GLI2: variants seen among roughly 807,000 people sequenced by gnomAD.
GLI2 encodes transcription activator GLI2.
In GLI2, 22 loss-of-function variants were observed where a neutral mutation model predicts 78.9. The observed-to-expected ratio is 0.28, with a 90% CI of 0.20 to 0.40. The LOEUF is 0.40. Ranked by LOEUF, GLI2 falls within the 10% of genes least tolerant of loss-of-function variation. The pLI is 1.00. For synonymous variants in GLI2, 974 were observed against 963.7 expected (o/e 1.01, Z -0.20); for missense variants, 2,097 against 2,213.2 (o/e 0.95, Z 1.05).
intron 2 of GLI2, among the ~76,000 whole-genome samples, chr2:120,905,788 A>G (rs1678495413): frequency 6.6e-6 from 1 of 152,110 alleles, no homozygotes; most frequent in Non-Finnish European, 1.5e-5. Context: ...ATAGTGCCCA[A>G]CACACCTTAG....
intron 2 of GLI2, among the ~76,000 whole-genome samples, chr2:120,862,855 T>C (rs1687966731): frequency 6.6e-6 from 1 of 152,212 alleles, no homozygotes; most frequent in South Asian, 2.1e-4. Context: ...CTAATAGGGC[T>C]GGTGGCAAAT....
In GLI2 at chr2:120,992,206, A is replaced by G. The variant is rs1683319361; in HGVS notation, c.*1531A>G. 1.3e-5 allele frequency: 2 copies of G among 152,678 alleles called. No individual in the cohort carries two copies. Among genetic ancestry groups the G allele is most frequent in the South Asian group, 4.1e-4 (2 of 4,822 alleles). 9.5% of individuals were successfully genotyped at this position (152,678 alleles called of 1,614,324 possible). On this transcript the variant is annotated 3_prime_UTR_variant, in exon 14 of 14. Coordinates refer to ENST00000361492, the MANE Select transcript of GLI2 (RefSeq NM_001374353.1). ...ATCTGGGCTCGCTGCGTCCCAGCAC[A>G]TCAAACTCTGTCCAGAGACAAGGCC... is the stretch of plus-strand genomic sequence containing the variant.
chr2:120,988,153 A>G, intron 13 of GLI2, 55 bp from the exon 14 acceptor site: 3 of 1,511,594 alleles, frequency 2.0e-6, no homozygotes, highest in Non-Finnish European at 2.7e-6. Context: ...GAGCACGGTC[A>G]AAGCAAGCAG....
chr2:120,754,714 G>T (rs11679744), intron 1 of GLI2, among the ~76,000 whole-genome samples: 1 of 152,036 alleles, frequency 6.6e-6, no homozygotes, highest in Admixed American at 6.6e-5. Flanking sequence ...TTACAAGTGA[G>T]GTTGCTTTGA....
intron 3 of GLI2, among the ~76,000 whole-genome samples, chr2:120,947,542 G>A (rs918864599): frequency 1.3e-5 from 2 of 152,182 alleles, no homozygotes; most frequent in Non-Finnish European, 2.9e-5. Flanking sequence ...TGATGGCTAC[G>A]ATGGCCAGTG....
intron 2 of GLI2, among the ~76,000 whole-genome samples, chr2:120,808,893 G>A (rs562614325): frequency 4.2e-4 from 64 of 152,290 alleles, no homozygotes; most frequent in African/African-American, 1.4e-3. Flanking sequence ...GTCTTCAGTG[G>A]CTCGGGCACT....
intron 2 of GLI2, among the ~76,000 whole-genome samples, chr2:120,818,251 C>T (rs1191867786): frequency 6.6e-6 from 1 of 152,200 alleles, no homozygotes; most frequent in Non-Finnish European, 1.5e-5. Flanking sequence ...AGGGTGAAGT[C>T]TAACACCAGG....
At chr2:120,951,609 G>T (rs150222823) in intron 4 of GLI2, 164 bp downstream of exon 4, 2 of 582,360 alleles carry the variant, frequency 3.4e-6, no homozygotes, top group African/African-American at 1.9e-5. Flanking sequence ...AAGTTTTTGG[G>T]TTTTATGCTC....
intron 2 of GLI2, among the ~76,000 whole-genome samples, chr2:120,859,536 C>T (rs1482943413): frequency 6.7e-6 from 1 of 150,258 alleles, no homozygotes; most frequent in Non-Finnish European, 1.5e-5. Flanking sequence ...CTCACTGCAA[C>T]CTCTGCCTCC....
At chr2:120,933,147 C>T (rs1371099256) in intron 3 of GLI2, among the ~76,000 whole-genome samples, 1 of 152,088 alleles carries the variant, frequency 6.6e-6, no homozygotes. Flanking sequence ...GGCAGCTGCA[C>T]GTGGGGAAGG....
chr2:120,955,165 T>C, intron 4 of GLI2, 80 bp from the exon 5 acceptor site: 1 of 615,720 alleles, frequency 1.6e-6, no homozygotes, highest in Non-Finnish European at 2.7e-6. Flanking sequence ...TTTTTTTTTT[T>C]TTTTTTTTTT....
At chr2:120,827,321 T>G (rs540721691) in intron 2 of GLI2, among the ~76,000 whole-genome samples, 3 of 152,282 alleles carry the variant, frequency 2.0e-5, no homozygotes, top group African/African-American at 7.2e-5. Context: ...GAAGAGTCAG[T>G]GGGGATTCAT....
Position 120,990,756 on chromosome 2 carries a change from T to C in GLI2, c.*81T>C. On this transcript the variant is annotated 3_prime_UTR_variant, in exon 14 of 14. Coordinates refer to ENST00000361492, the MANE Select transcript of GLI2 (RefSeq NM_001374353.1). ...TGGGGATTCCAGCTGTCTTGTCTTT[T>C]TCCAAAAAAGTGTTAAATAGGCTTG... 7.8e-7 allele frequency: 1 copy of C among 1,282,616 alleles called. No individual in the cohort carries two copies. The highest frequency in any genetic ancestry group is 1.1e-6 in the Non-Finnish European group (1 of 922,750). 79.5% of individuals were successfully genotyped at this position (1,282,616 alleles called of 1,614,324 possible).
chr2:120,990,605 C>T lies in GLI2; in HGVS notation c.4640C>T (p.Ala1547Val). ...PSIPAGISNM[A>V]VGDMSSMLTS... ...ATCCCCGCAGGCATCAGCAACATGG[C>T]TGTCGGGGACATGAGCTCCATGCTC... Residue 1547 changes from alanine to valine, a missense_variant, in exon 14 of 14, where the codon GCT becomes GTT. By Grantham distance (64) the Ala-to-Val change is moderately conservative (BLOSUM62 0). Around this residue, in one of 5 missense-constraint regions of GLI2, gnomAD observed 1,290 missense variants for 1,261.7 expected, o/e 1.02. Coordinates refer to ENST00000361492, the MANE Select transcript of GLI2 (RefSeq NM_001374353.1). The T allele has an allele frequency of 6.8e-6, 11 of 1,613,756 alleles. No individual in the cohort carries two copies. The highest frequency in any genetic ancestry group is 8.5e-6 in the Non-Finnish European group (10 of 1,179,798).
At chr2:120,891,472 T>C (rs1271832074) in intron 2 of GLI2, among the ~76,000 whole-genome samples, 2 of 152,184 alleles carry the variant, frequency 1.3e-5, no homozygotes, top group Non-Finnish European at 2.9e-5. Flanking sequence ...CCAGTTCACA[T>C]TTTTCAGGAC....
chr2:120,911,965 T>G (rs1427072451), intron 2 of GLI2, among the ~76,000 whole-genome samples: 1 of 152,072 alleles, frequency 6.6e-6, no homozygotes, highest in African/African-American at 2.4e-5. Flanking sequence ...GGCTCTTGAC[T>G]CCATTCTGCT....
chr2:120,864,259 G>T (rs1163171238), intron 2 of GLI2, among the ~76,000 whole-genome samples: 1 of 152,194 alleles, frequency 6.6e-6, no homozygotes, highest in Non-Finnish European at 1.5e-5. Flanking sequence ...GAGCACACAG[G>T]CTGGTCTTGA....
chr2:120,815,194 G>A (rs763432488), intron 2 of GLI2, among the ~76,000 whole-genome samples: 5 of 152,126 alleles, frequency 3.3e-5, no homozygotes, highest in Admixed American at 2.6e-4. Flanking sequence ...GATAAGTAAC[G>A]GCAGTTTTCA....
At chr2:120,948,337 A>ATG (rs1680814150) in intron 3 of GLI2, among the ~76,000 whole-genome samples, 1 of 152,138 alleles carries the variant, frequency 6.6e-6, no homozygotes. Flanking sequence ...AGACCCCTGG[A>ATG]TGTCCCTACA....
Sources: gnomAD v4.1 joint callset for allele counts (sites outside exome capture counted in the v4.1 genomes callset) on GRCh38, gnomAD v4.1.1 for gene constraint, gnomAD v4.1.1 regional missense constraint, MANE v1.5 for transcripts, NCBI Gene and HGNC (gene_info 2026-07-23, HGNC 2026-07-21) for gene names.